The following SLC25A37 variants were observed in gnomAD, a reference collection of about 807,000 sequenced individuals.
The protein encoded by SLC25A37 is solute carrier family 25 member 37, also known as mitoferrin-1.
In SLC25A37, 17 loss-of-function variants were observed where a neutral mutation model predicts 31.0. The observed-to-expected ratio is 0.55, with a 90% CI of 0.38 to 0.82. The LOEUF (loss-of-function observed/expected upper bound fraction) is 0.82, where lower values mean the gene tolerates loss of function less well. Ranked by LOEUF, SLC25A37 falls within the 40% of genes least tolerant of loss-of-function variation. SLC25A37 has a pLI of 0.00. For synonymous variants in SLC25A37, 222 were observed against 193.0 expected, an observed-to-expected ratio of 1.15 and a Z score of -1.24; for missense variants, 404 against 465.8, an observed-to-expected ratio of 0.87 and a Z score of 1.22.
chr8:23,544,561 T>G (rs532837230), intron 1 of SLC25A37, among the ~76,000 whole-genome samples: 33 of 151,874 alleles, frequency 2.2e-4, no homozygotes, highest in Non-Finnish European at 4.6e-4. Flanking sequence ...CTTTCAGGAG[T>G]GATGAGCTCA....
At chr8:23,570,993 CA>C (rs1406738498) in intron 3 of SLC25A37, among the ~76,000 whole-genome samples, 1 of 152,126 alleles carries the variant, frequency 6.6e-6, no homozygotes, top group Non-Finnish European at 1.5e-5. Flanking sequence ...GGGTTCCTAC[CA>C]GGGGTAGCCA....
At chr8:23,544,486 C>A (rs1404102967) in intron 1 of SLC25A37, among the ~76,000 whole-genome samples, 1 of 152,172 alleles carries the variant, frequency 6.6e-6, no homozygotes, top group Non-Finnish European at 1.5e-5. Context: ...AGGCTTGACA[C>A]AACCCAGGCA....
At chr8:23,557,269 G>T (rs906961708) in intron 1 of SLC25A37, among the ~76,000 whole-genome samples, 1 of 152,208 alleles carries the variant, frequency 6.6e-6, no homozygotes, top group Admixed American at 6.5e-5. Flanking sequence ...AGTGAGGAAG[G>T]CTGGTGGTTT....
At chr8:23,556,274 G>A (rs1333047870) in intron 1 of SLC25A37, among the ~76,000 whole-genome samples, 1 of 149,300 alleles carries the variant, frequency 6.7e-6, no homozygotes, top group African/African-American at 2.5e-5. Flanking sequence ...AGGCTGAAGT[G>A]CGGTGACATG....
rs765690579 is a variant in SLC25A37 at position 23,529,174 on chromosome 8, C to T, written c.172C>T (p.Leu58=). ...HMTAGAMAGI[L]EHSVMYPVDS... is the part of the protein sequence containing the mutation. ...GACAGCAGGAGCGATGGCCGGGATCCTGGAGCACTCGGTCATGTACCCGGT... is the reference window on the plus strand; with the variant it reads ...GACAGCAGGAGCGATGGCCGGGATCTTGGAGCACTCGGTCATGTACCCGGT... Residue 58 remains leucine, a synonymous_variant, in exon 1 of 4, where the codon CTG becomes TTG. Coordinates refer to ENST00000519973, the MANE Select transcript of SLC25A37 (RefSeq NM_016612.4). This position sits in a 1 kb window ranked among gnomAD's most constrained non-coding sequence, Gnocchi z 4.1. 3.1e-6 allele frequency: 5 copies of T among 1,611,366 alleles called. No individual in the cohort carries two copies. The highest frequency in any genetic ancestry group is 1.7e-4 in the Middle Eastern group (1 of 6,054).
chr8:23,533,711 C>T (rs1563249791), intron 1 of SLC25A37, among the ~76,000 whole-genome samples: 2 of 152,198 alleles, frequency 1.3e-5, no homozygotes, highest in African/African-American at 2.4e-5. Flanking sequence ...TCCACTAGTA[C>T]GGAACCTTTT....
chr8:23,557,602 C>CT (rs1802402793), intron 1 of SLC25A37, among the ~76,000 whole-genome samples: 1 of 152,094 alleles, frequency 6.6e-6, no homozygotes, highest in Admixed American at 6.5e-5. Flanking sequence ...GAGTTGGCTT[C>CT]TTGGTGTCTT....
intron 1 of SLC25A37, among the ~76,000 whole-genome samples, chr8:23,565,801 C>T (rs944283768): frequency 2.6e-5 from 4 of 152,202 alleles, no homozygotes; most frequent in African/African-American, 9.6e-5. Context: ...AACTGAAGGT[C>T]TTAGGGCCTA....
intron 1 of SLC25A37, among the ~76,000 whole-genome samples, chr8:23,535,745 G>A (rs1003160920): frequency 6.6e-6 from 1 of 152,184 alleles, no homozygotes; most frequent in African/African-American, 2.4e-5. Flanking sequence ...ATGGCAGAAG[G>A]CAAAAGGCAC....
chr8:23,564,603 GATCTT>G (rs1443358812), intron 1 of SLC25A37, among the ~76,000 whole-genome samples: 46 of 147,076 alleles, frequency 3.1e-4, no homozygotes, highest in Admixed American at 1.4e-3. Flanking sequence ...AGCCATGGTG[GATCTT>G]CTACTTGGCG....
rs762394681 is a variant in SLC25A37, at chr8:23,529,228, A to G, written c.210+16A>G. 2 of 1,597,324 alleles carry G rather than the reference A, an allele frequency of 1.3e-6. No individual in the cohort carries two copies. The highest frequency in any genetic ancestry group is 2.2e-5 in the South Asian group (2 of 89,232). On this transcript the variant is annotated intron_variant, in intron 1 of 3. Transcript: ENST00000519973. This position sits in a 1 kb window ranked among gnomAD's most constrained non-coding sequence, Gnocchi z 4.1. ...CTCGGTGAAGGTGAGGCGCGGGGAG[A>G]CTTCGGGGACGCAACGAGCGGAGAA... is the stretch of plus-strand genomic sequence containing the variant.
In SLC25A37 at chr8:23,571,447, G is replaced by A. The variant is rs1316416794; in HGVS notation, c.609G>A (p.Thr203=). 22 of 1,614,010 alleles carry A rather than the reference G, an allele frequency of 1.4e-5. No individual in the cohort carries two copies. In the East Asian group the frequency reaches 4.7e-4, roughly 34 times the overall value. ...GLGAFYRSYT[T]QLTMNIPFQS... is the part of the protein sequence containing the mutation. Reference sequence around the variant, plus strand: ...GGGCCTTCTACCGGAGCTACACCACGCAGCTGACCATGAACATCCCCTTCC... The same window carrying A: ...GGGCCTTCTACCGGAGCTACACCACACAGCTGACCATGAACATCCCCTTCC... The change falls in exon 4 of 4, where the codon ACG becomes ACA. Residue 203 remains threonine, a synonymous_variant. Coordinates refer to ENST00000519973, the MANE Select transcript of SLC25A37 (RefSeq NM_016612.4).
At chr8:23,543,221 AC>A (rs1266147025) in intron 1 of SLC25A37, 2 of 152,088 alleles carry the variant, frequency 1.3e-5, no homozygotes, top group Admixed American at 1.3e-4. Context: ...GGTGCGCACC[AC>A]CACACAGCTA....
At chr8:23,541,304 A>T (rs1801887967) in intron 1 of SLC25A37, among the ~76,000 whole-genome samples, 1 of 152,202 alleles carries the variant, frequency 6.6e-6, no homozygotes, top group Non-Finnish European at 1.5e-5. Context: ...TTATTTTCCA[A>T]GAAAGTCTGT....
At chr8:23,538,143 G>A (rs569196485) in intron 1 of SLC25A37, among the ~76,000 whole-genome samples, 1 of 152,088 alleles carries the variant, frequency 6.6e-6, no homozygotes, top group African/African-American at 2.4e-5. Context: ...CACTTTGGGA[G>A]GCCGAGGCGG....
At chr8:23,560,631 C>G (rs182437208) in intron 1 of SLC25A37, among the ~76,000 whole-genome samples, 6 of 152,314 alleles carry the variant, frequency 3.9e-5, no homozygotes, top group African/African-American at 1.4e-4. Flanking sequence ...CCAGCGGGGG[C>G]CTGACCAGGC....
In SLC25A37 at chr8:23,571,567, G is replaced by C. The variant is rs779067883; in HGVS notation, c.729G>C (p.Leu243=). The stretch of plus-strand genomic sequence containing the variant: ...AGTCCCACATCATCTCAGGCGGGCT[G>C]GCCGGGGCCCTCGCCGCGGCCGCCA... ...NPQSHIISGG[L]AGALAAAATT... Residue 243 remains leucine (L), a synonymous_variant, in exon 4 of 4, where the codon CTG becomes CTC. Transcript: ENST00000519973. 4 of 1,613,810 alleles carry C rather than the reference G, an allele frequency of 2.5e-6. No homozygotes were observed. Among genetic ancestry groups the C allele is most frequent in the East Asian group, 2.2e-5 (1 of 44,860 alleles).
At chr8:23,561,100 GCTGT>G (rs1201945496) in intron 1 of SLC25A37, among the ~76,000 whole-genome samples, 2 of 152,162 alleles carry the variant, frequency 1.3e-5, no homozygotes, top group Non-Finnish European at 2.9e-5. Context: ...TGAAATTAGA[GCTGT>G]CTGTTTGGGA....
intron 1 of SLC25A37, among the ~76,000 whole-genome samples, chr8:23,536,841 C>A (rs1801778888): frequency 6.6e-6 from 1 of 152,214 alleles, no homozygotes; most frequent in Non-Finnish European, 1.5e-5. Flanking sequence ...CAGCTACTTA[C>A]TGCCTTGGTT....
Sources: allele counts gnomAD v4.1 joint callset (sites outside exome capture counted in the v4.1 genomes callset), GRCh38; gene constraint gnomAD v4.1.1; non-coding constraint Gnocchi (gnomAD v3.1); transcripts MANE v1.5; gene names NCBI Gene and HGNC (gene_info 2026-07-23, HGNC 2026-07-21).